Variants in NAALAD2 observed in about 807,000 individuals in gnomAD.
NAALAD2 encodes N-acetylated-alpha-linked acidic dipeptidase 2.
A neutral mutation model predicts 95.6 loss-of-function variants in NAALAD2; 89 were observed. The ratio of observed to expected loss-of-function variants is 0.93; its 90% CI spans 0.78 to 1.11. The LOEUF (loss-of-function observed/expected upper bound fraction) is 1.11, where lower values mean the gene tolerates loss of function less well. NAALAD2 is among the 50% of genes least tolerant of loss of function. NAALAD2 has a pLI of 0.00. For missense variants in NAALAD2, 894 were observed against 872.4 expected, an observed-to-expected ratio of 1.02 and a Z score of -0.31; for synonymous variants, 264 against 294.4, an observed-to-expected ratio of 0.90 and a Z score of 1.06.
At chr11:90,150,890 T>C (rs964224653) in intron 5 of NAALAD2, among the ~76,000 whole-genome samples, 2 of 152,144 alleles carry the variant, frequency 1.3e-5, no homozygotes, top group African/African-American at 2.4e-5. Context: ...CTTCTCTGCA[T>C]TACCCACTTC....
intron 11 of NAALAD2, among the ~76,000 whole-genome samples, chr11:90,167,405 C>T (rs4582928): frequency 0.38 from 57,321 of 152,122 alleles, 11,152 homozygotes; most frequent in African/African-American, 0.47. Flanking sequence ...CGACCTGCAG[C>T]CCACCATGCC....
rs1176101600 is a variant in NAALAD2 at position 90,159,321 on chromosome 11, G to A, written c.973G>A (p.Gly325Arg). The A allele has an allele frequency of 6.2e-7, 1 of 1,613,166 alleles. No homozygotes were observed. The highest frequency in any genetic ancestry group is 2.2e-5 in the East Asian group (1 of 44,812). Residue 325 changes from glycine to arginine, a missense_variant, in exon 8 of 19, where the codon GGG becomes AGG. Gly to Arg is a moderately radical substitution (Grantham distance 125). Coordinates refer to ENST00000534061, the MANE Select transcript of NAALAD2 (RefSeq NM_005467.4). ...TTATAGTATCGGACCTGGCTTTACA[G>A]GGAGTGATTCTTTCAGGTAATTTTG... ...VSYSIGPGFT[G>R]SDSFRKVRMH...
chr11:90,150,726 T>TG, intron 5 of NAALAD2, 119 bp downstream of exon 5: 1 of 913,800 alleles, frequency 1.1e-6, no homozygotes, highest in Middle Eastern at 4.0e-4. Context: ...TCTTTTTTTC[T>TG]TCCTATTTGC....
chr11:90,139,645 C>G (rs1951553125), intron 2 of NAALAD2, among the ~76,000 whole-genome samples: 2 of 152,148 alleles, frequency 1.3e-5, no homozygotes, highest in Admixed American at 6.6e-5. Flanking sequence ...TATTCTCCAC[C>G]TTTACCTTCC....
At chr11:90,154,155 A>G (rs1387103899) in intron 6 of NAALAD2, among the ~76,000 whole-genome samples, 1 of 149,730 alleles carries the variant, frequency 6.7e-6, no homozygotes, top group African/African-American at 2.5e-5. Flanking sequence ...TTGTATATAC[A>G]TTTTATAGAG....
rs1455931049 is a variant in NAALAD2 at position 90,152,310 on chromosome 11, A to G, written c.622A>G (p.Met208Val). Residue 208 changes from methionine to valine, a missense_variant, in exon 6 of 19, where the codon ATG (methionine) becomes GTG (valine). Transcript: ENST00000534061. Reference protein sequence around the residue: ...IFRGNKVKNAMLAGAIGIILY... With the variant: ...IFRGNKVKNAVLAGAIGIILY... ...ATTGCCCCTGCAGGTTAAAAATGCCATGTTAGCAGGAGCCATAGGAATCAT... is the reference window on the plus strand; with the variant it reads ...ATTGCCCCTGCAGGTTAAAAATGCCGTGTTAGCAGGAGCCATAGGAATCAT... 3.1e-6 allele frequency: 5 copies of G among 1,597,796 alleles called. No homozygotes were observed. Among genetic ancestry groups the G allele is most frequent in the Non-Finnish European group, 4.3e-6 (5 of 1,167,484 alleles).
intron 6 of NAALAD2, among the ~76,000 whole-genome samples, chr11:90,153,028 C>G (rs986117661): frequency 2.0e-5 from 3 of 152,186 alleles, no homozygotes; most frequent in African/African-American, 7.2e-5. Context: ...ACTCTTCCTT[C>G]CCACTTCATC....
chr11:90,168,189 G>C (rs1435113191), intron 11 of NAALAD2, among the ~76,000 whole-genome samples: 2 of 152,190 alleles, frequency 1.3e-5, no homozygotes, highest in African/African-American at 2.4e-5. Context: ...AAGGTCTGCA[G>C]CTTCACTTCT....
intron 18 of NAALAD2, among the ~76,000 whole-genome samples, chr11:90,187,683 A>G (rs573575620): frequency 6.6e-6 from 1 of 152,304 alleles, no homozygotes; most frequent in Admixed American, 6.5e-5. Flanking sequence ...AAATCTTATA[A>G]AACCTCTAAG....
chr11:90,146,924 T>C (rs1389192583), intron 2 of NAALAD2, among the ~76,000 whole-genome samples: 1 of 152,084 alleles, frequency 6.6e-6, no homozygotes, highest in Non-Finnish European at 1.5e-5. Flanking sequence ...AGTAGAAATA[T>C]ATAAGATAAA....
At position 90,149,168 on chromosome 11, in the gene NAALAD2, G is replaced by T. The variant is rs1161872895; in HGVS notation, c.483+61G>T. On this transcript the variant is annotated intron_variant, in intron 4 of 18. Coordinates refer to ENST00000534061, the MANE Select transcript of NAALAD2 (RefSeq NM_005467.4). ...ATGGTTCTTTTGCTATGTAAAACCT[G>T]TATGGAGGACTAAAACCAAGGAAAT... 4 of 1,062,476 alleles carry T rather than the reference G, an allele frequency of 3.8e-6. No homozygotes were observed. The Admixed American group carries it at 6.7e-5, about 18-fold the overall frequency. 65.8% of individuals were successfully genotyped at this position (1,062,476 alleles called of 1,614,324 possible).
upstream of NAALAD2, chr11:90,134,653 G>A: frequency 9.0e-7 from 1 of 1,109,490 alleles, no homozygotes; most frequent in East Asian, 2.4e-5. Context: ...AAGGTCAGCG[G>A]AGGCCACCCA....
intron 18 of NAALAD2, among the ~76,000 whole-genome samples, chr11:90,190,801 T>C (rs1857300175): frequency 6.6e-6 from 1 of 152,166 alleles, no homozygotes; most frequent in Admixed American, 6.6e-5. Flanking sequence ...TACTGACTTA[T>C]ATGGAGCTCT....
chr11:90,175,928 ATGTGTGTGTGTGTG>A, intron 14 of NAALAD2, 30 bp from the exon 15 acceptor site: 1 of 971,986 alleles, frequency 1.0e-6, no homozygotes, highest in Non-Finnish European at 1.6e-6. Flanking sequence ...TTACTTGTTT[ATGTGTGTGTGTGTG>A]TGTGTGTGTG....
intron 6 of NAALAD2, among the ~76,000 whole-genome samples, chr11:90,157,335 T>G (rs976978146): frequency 1.3e-5 from 2 of 152,216 alleles, no homozygotes; most frequent in Non-Finnish European, 2.9e-5. Context: ...TTGGTCCCTT[T>G]AACTCTATCT....
intron 18 of NAALAD2, among the ~76,000 whole-genome samples, chr11:90,183,309 C>CAT (rs1857022585): frequency 6.6e-6 from 1 of 152,088 alleles, no homozygotes; most frequent in South Asian, 2.1e-4. Flanking sequence ...CAACCTTCTA[C>CAT]ATAATCCTTT....
intron 2 of NAALAD2, among the ~76,000 whole-genome samples, chr11:90,142,897 G>A (rs568707471): frequency 6.6e-6 from 1 of 151,780 alleles, no homozygotes. Context: ...ATACTCTAAA[G>A]GTTATATTAT....
At chr11:90,146,910 C>G (rs1309588699) in intron 2 of NAALAD2, among the ~76,000 whole-genome samples, 1 of 151,898 alleles carries the variant, frequency 6.6e-6, no homozygotes, top group African/African-American at 2.4e-5. Context: ...ATGATACAAT[C>G]AACAGTAGAA....
rs193162948 is a variant in NAALAD2 at position 90,157,560 on chromosome 11, A to G, written c.797-585A>G. 3.1e-3 allele frequency among the ~76,000 whole-genome samples: 473 copies of G among 152,334 alleles called. 1 individual carries two copies. Among genetic ancestry groups the G allele is most frequent in the African/African-American group, 0.011 (446 of 41,568 alleles). ...ATAACATTTCTCTAAGAAAGATTCA[A>G]GAGATCCTTGAGGAAATAAAATATT... is the stretch of plus-strand genomic sequence containing the variant. On this transcript the variant is annotated intron_variant, in intron 6 of 18. Coordinates refer to ENST00000534061, the MANE Select transcript of NAALAD2 (RefSeq NM_005467.4).
Sources: gnomAD v4.1 joint callset for allele counts (sites outside exome capture counted in the v4.1 genomes callset) on GRCh38, gnomAD v4.1.1 for gene constraint, MANE v1.5 for transcripts, NCBI Gene and HGNC (gene_info 2026-07-23, HGNC 2026-07-21) for gene names.